The following USP47 variants were observed in gnomAD, a reference collection of about 807,000 sequenced individuals.
USP47 encodes ubiquitin specific peptidase 47.
In USP47, 35 loss-of-function variants were observed where a neutral mutation model predicts 165.1. The ratio of observed to expected loss-of-function variants is 0.21; its 90% CI spans 0.16 to 0.28. The LOEUF is 0.28. Ranked by LOEUF, USP47 falls within the 10% of genes least tolerant of loss-of-function variation. The pLI, the probability that USP47 is intolerant of heterozygous loss-of-function variation, is 1.00. For missense variants in USP47, 1,277 were observed against 1,607.4 expected (o/e 0.79, Z 3.52); for synonymous variants, 531 against 544.5 (o/e 0.98, Z 0.35).
chr11:11,918,864 G>A (rs1309340988), intron 8 of USP47, among the ~76,000 whole-genome samples: 1 of 151,898 alleles, frequency 6.6e-6, no homozygotes, highest in Non-Finnish European at 1.5e-5. Context: ...CTGACATTTA[G>A]TATCAGTCTG....
At chr11:11,853,673 A>T (rs1165805275) in intron 1 of USP47, among the ~76,000 whole-genome samples, 1 of 152,220 alleles carries the variant, frequency 6.6e-6, no homozygotes, top group Admixed American at 6.5e-5. Context: ...TAATGAAACT[A>T]AACTGAAACA....
intron 1 of USP47, among the ~76,000 whole-genome samples, chr11:11,876,122 C>G (rs1850402079): frequency 6.6e-6 from 1 of 152,112 alleles, no homozygotes; most frequent in African/African-American, 2.4e-5. Flanking sequence ...TTGTACTTGG[C>G]TAGATTTTCT....
At chr11:11,895,544 A>G (rs1851794161) in intron 4 of USP47, among the ~76,000 whole-genome samples, 1 of 152,228 alleles carries the variant, frequency 6.6e-6, no homozygotes, top group Non-Finnish European at 1.5e-5. Context: ...ATTTTAACTT[A>G]GGGCTCTAGA....
chr11:11,874,866 C>A (rs1263210693), intron 1 of USP47, among the ~76,000 whole-genome samples: 1 of 152,112 alleles, frequency 6.6e-6, no homozygotes, highest in East Asian at 1.9e-4. Flanking sequence ...GCAGCTGATA[C>A]GTTTTATAAA....
chr11:11,871,019 C>G (rs1293489230), intron 1 of USP47, among the ~76,000 whole-genome samples: 2 of 151,842 alleles, frequency 1.3e-5, no homozygotes, highest in African/African-American at 4.8e-5. Context: ...TGTAGATATT[C>G]TTGAGTTTTG....
intron 16 of USP47, 47 bp downstream of exon 16, chr11:11,933,982 T>C: frequency 7.2e-7 from 1 of 1,393,052 alleles, no homozygotes; most frequent in Non-Finnish European, 1.0e-6. Context: ...TACAACAGTA[T>C]TAACATAATT....
intron 4 of USP47, among the ~76,000 whole-genome samples, chr11:11,896,463 T>C (rs73413213): frequency 0.045 from 6,834 of 152,254 alleles, 434 homozygotes; most frequent in African/African-American, 0.15. Flanking sequence ...ACAGAACAAT[T>C]GGTCTCCTGG....
intron 11 of USP47, among the ~76,000 whole-genome samples, chr11:11,928,570 C>T (rs566814305): frequency 4.6e-5 from 7 of 152,118 alleles, no homozygotes; most frequent in South Asian, 4.2e-4. Flanking sequence ...GCTTGTCTGT[C>T]ATAAACTGGA....
intron 1 of USP47, among the ~76,000 whole-genome samples, chr11:11,845,586 C>T (rs1848382036): frequency 6.6e-6 from 1 of 151,916 alleles, no homozygotes; most frequent in South Asian, 2.1e-4. Flanking sequence ...GTTTCTCTGT[C>T]TTTGCTTTTT....
intron 11 of USP47, among the ~76,000 whole-genome samples, chr11:11,925,142 C>T (rs1338207394): frequency 6.6e-6 from 1 of 150,490 alleles, no homozygotes; most frequent in African/African-American, 2.5e-5. Flanking sequence ...GAGTCTCGCT[C>T]TGTCGCCCAG....
rs1442803830 is a variant in USP47, at chr11:11,865,151, A to G, written c.40-15026A>G. Among the ~76,000 whole-genome samples, 3 of 152,236 alleles carry G rather than the reference A, an allele frequency of 2.0e-5. 1 individual carries two copies. In the South Asian group the frequency reaches 6.2e-4, roughly 32 times the overall value. On this transcript the variant is annotated intron_variant, in intron 1 of 27. Coordinates refer to ENST00000527733, the MANE Select transcript of USP47 (RefSeq NM_001282659.2). ...AGATGGATTTCTTTAGGTTTACCTT[A>G]TTTGGGGTTTGCTCAGCTTCTTGAT... is the stretch of plus-strand genomic sequence containing the variant.
At position 11,957,344 on chromosome 11, in the gene USP47, GTA is replaced by G. The variant is rs1847249602; in HGVS notation, c.*1171_*1172del. ...CATGATTTCATTGCAGAGTTTATTA[GTA>G]TCAGCAAGTTTTTGCTTTGCTAAAT... is the stretch of plus-strand genomic sequence containing the variant. On this transcript the variant is annotated 3_prime_UTR_variant, in exon 28 of 28. Coordinates refer to ENST00000527733, the MANE Select transcript of USP47 (RefSeq NM_001282659.2). 1 of 152,568 alleles carries G rather than the reference GTA, an allele frequency of 6.6e-6. No homozygotes were observed. The highest frequency in any genetic ancestry group is 2.1e-4 in the South Asian group (1 of 4,830). The allele number at this position is 152,568 out of a possible 1,614,324, so 9.5% of individuals were successfully genotyped here. A position where few individuals can be genotyped will look rare whatever the true frequency, so the allele number is the denominator to read the frequency against.
intron 5 of USP47, among the ~76,000 whole-genome samples, chr11:11,900,796 C>T (rs1852176606): frequency 6.6e-6 from 1 of 152,178 alleles, no homozygotes; most frequent in Non-Finnish European, 1.5e-5. Context: ...ACCAGCAAGA[C>T]TTAAAACCTT....
intron 4 of USP47, among the ~76,000 whole-genome samples, chr11:11,897,021 A>G (rs999109368): frequency 6.6e-6 from 1 of 151,300 alleles, no homozygotes; most frequent in Admixed American, 6.6e-5. Context: ...AGGCTTGTTG[A>G]AACAGATGAA....
In USP47 at chr11:11,933,921, G is replaced by T; in HGVS notation, c.1855G>T (p.Glu619Ter). Reference sequence around the variant, plus strand: ...GGATAAGACATTAAAGGAAGCAGTAGAAATGGCTTATAAGGTATGTTTAAT... The same window carrying T: ...GGATAAGACATTAAAGGAAGCAGTATAAATGGCTTATAAGGTATGTTTAAT... ...HKDKTLKEAV[E>*]MAYKMMDLEE... Residue 619 changes from glutamate to a stop codon, truncating the protein, a stop_gained, in exon 16 of 28, where the codon GAA (glutamate) becomes TAA (stop). Coordinates refer to ENST00000527733, the MANE Select transcript of USP47 (RefSeq NM_001282659.2). LOFTEE classifies it high-confidence loss of function. 1 of 1,605,540 alleles carries T rather than the reference G, an allele frequency of 6.2e-7. No homozygotes were observed. The highest frequency in any genetic ancestry group is 8.5e-7 in the Non-Finnish European group (1 of 1,173,928).
intron 11 of USP47, among the ~76,000 whole-genome samples, chr11:11,926,584 G>T (rs751556052): frequency 2.0e-5 from 3 of 151,766 alleles, no homozygotes; most frequent in Non-Finnish European, 4.4e-5. Flanking sequence ...CTAGCTAAGG[G>T]TTTGTAAACT....
In USP47 at chr11:11,930,085, A is replaced by G. The variant is rs942905230; in HGVS notation, c.1560A>G (p.Ser520=). The G allele has an allele frequency of 6.2e-7, 1 of 1,613,360 alleles. No individual in the cohort carries two copies. The highest frequency in any genetic ancestry group is 8.5e-7 in the Non-Finnish European group (1 of 1,179,384). The change falls in exon 13 of 28, where the codon TCA becomes TCG. Residue 520 remains serine (S), a synonymous_variant. Transcript: ENST00000527733. ...EDIKKTHGGS[S]GSRGYYSSAF... is the part of the protein sequence containing the mutation. ...TTAAGAAAACACATGGTGGATCTTC[A>G]GGAAGCAGAGGATATTATTCTAGTG...
rs11388886 is a variant in USP47, at chr11:11,850,412, G to GAA, written c.39+8196_39+8197dup. 2.4e-3 allele frequency among the ~76,000 whole-genome samples: 338 copies of GAA among 143,474 alleles called. 2 individuals are homozygous for GAA. The highest frequency in any genetic ancestry group is 0.015 in the South Asian group (67 of 4,606). 94.1% of individuals were successfully genotyped at this position (143,474 alleles called of 152,430 possible). ...ATGTATAGTTTCCATTCCTTTTTTT[G>GAA]AAAAAAAAATCCTATATTTGTTTTA... On this transcript the variant is annotated intron_variant, in intron 1 of 27. Transcript: ENST00000527733.
chr11:11,927,160 T>C (rs1564883531), intron 11 of USP47, among the ~76,000 whole-genome samples: 1 of 152,096 alleles, frequency 6.6e-6, no homozygotes, highest in African/African-American at 2.4e-5. Flanking sequence ...TAATGATAAA[T>C]GTGCTATAAT....
Sources: allele counts gnomAD v4.1 joint callset (sites outside exome capture counted in the v4.1 genomes callset), GRCh38; gene constraint gnomAD v4.1.1; transcripts MANE v1.5; gene names NCBI Gene and HGNC (gene_info 2026-07-23, HGNC 2026-07-21).